ASAP1: variants seen among roughly 807,000 people sequenced by gnomAD.
ASAP1 encodes arf-GAP with SH3 domain, ANK repeat and PH domain-containing protein 1.
In ASAP1, 43 loss-of-function variants were observed where a neutral mutation model predicts 145.2. The ratio of observed to expected loss-of-function variants is 0.30; its 90% CI spans 0.23 to 0.38. The LOEUF is 0.38. ASAP1 is among the 10% of genes least tolerant of loss of function. The probability of loss-of-function intolerance (pLI) is 1.00; values close to 1 mark genes in which losing one functional copy is unlikely to be tolerated. For synonymous variants in ASAP1, 546 were observed against 515.5 expected (o/e 1.06, Z -0.80); for missense variants, 1,018 against 1,355.3 (o/e 0.75, Z 3.91).
chr8:130,335,296 T>G (rs1824962460), intron 3 of ASAP1, among the ~76,000 whole-genome samples: 2 of 152,198 alleles, frequency 1.3e-5, no homozygotes, highest in South Asian at 4.1e-4. Context: ...TTAAATAGAT[T>G]GCTTCATGTA....
At chr8:130,351,182 G>A (rs559079131) in intron 3 of ASAP1, among the ~76,000 whole-genome samples, 5 of 152,242 alleles carry the variant, frequency 3.3e-5, no homozygotes, top group African/African-American at 4.8e-5. Flanking sequence ...CCTTTCTCAC[G>A]GGTCCTGCAA....
intron 2 of ASAP1, among the ~76,000 whole-genome samples, chr8:130,393,305 A>C (rs902566557): frequency 2.0e-5 from 3 of 152,240 alleles, no homozygotes; most frequent in African/African-American, 4.8e-5. Context: ...AACAGTGAGC[A>C]TGAGTCTTTA....
intron 9 of ASAP1, among the ~76,000 whole-genome samples, chr8:130,173,773 G>GAA (rs201052362): frequency 2.2e-3 from 304 of 138,110 alleles, no homozygotes; most frequent in Non-Finnish European, 3.5e-3. Context: ...GACTCAAAAA[G>GAA]AAAAAAAAAA....
chr8:130,433,009 A>G (rs1335549377), intron 1 of ASAP1, among the ~76,000 whole-genome samples: 1 of 152,204 alleles, frequency 6.6e-6, no homozygotes, highest in Non-Finnish European at 1.5e-5. Flanking sequence ...ATGCTGCTCA[A>G]CAGAGTGTAG....
At chr8:130,266,319 G>A (rs1438425498) in intron 3 of ASAP1, among the ~76,000 whole-genome samples, 1 of 152,110 alleles carries the variant, frequency 6.6e-6, no homozygotes, top group East Asian at 1.9e-4. Context: ...GCTGCAAAGT[G>A]ATTGTATACA....
intron 2 of ASAP1, among the ~76,000 whole-genome samples, chr8:130,368,778 G>A (rs76033184): frequency 1.3e-5 from 2 of 152,220 alleles, no homozygotes; most frequent in African/African-American, 2.4e-5. Context: ...AGAGATGCGG[G>A]AGAGTCGTGG....
intron 5 of ASAP1, among the ~76,000 whole-genome samples, chr8:130,190,784 G>A (rs1167197759): frequency 6.6e-6 from 1 of 152,116 alleles, no homozygotes; most frequent in Non-Finnish European, 1.5e-5. Flanking sequence ...CCAAAGTGCT[G>A]GGATTACAGA....
intron 11 of ASAP1, among the ~76,000 whole-genome samples, chr8:130,167,052 C>A (rs746708630): frequency 3.9e-5 from 6 of 152,080 alleles, no homozygotes; most frequent in Non-Finnish European, 7.4e-5. Flanking sequence ...GTCTGTAATC[C>A]CAGAATTTTG....
At chr8:130,360,105 T>C (rs529657578) in intron 2 of ASAP1, among the ~76,000 whole-genome samples, 3 of 152,314 alleles carry the variant, frequency 2.0e-5, no homozygotes, top group Middle Eastern at 6.8e-3. Context: ...GCCCTGGAGA[T>C]TGAGTAATGC....
At chr8:130,291,016 C>A (rs778175298) in intron 3 of ASAP1, among the ~76,000 whole-genome samples, 1 of 152,186 alleles carries the variant, frequency 6.6e-6, no homozygotes, top group African/African-American at 2.4e-5. Context: ...ACAGAAAAGA[C>A]GAGTTGCCAA....
intron 11 of ASAP1, among the ~76,000 whole-genome samples, chr8:130,164,905 T>C (rs1191396006): frequency 6.6e-6 from 1 of 152,246 alleles, no homozygotes; most frequent in East Asian, 1.9e-4. Context: ...AATAGTACCA[T>C]GGTCAGAACT....
intron 18 of ASAP1, among the ~76,000 whole-genome samples, chr8:130,121,843 G>A (rs56058876): frequency 8.8e-6 from 1 of 113,202 alleles, no homozygotes; most frequent in African/African-American, 3.2e-5. Flanking sequence ...AAATAACTCA[G>A]ATCACGCCAC....
At chr8:130,210,600 A>C (rs768341410) in intron 5 of ASAP1, among the ~76,000 whole-genome samples, 5 of 152,320 alleles carry the variant, frequency 3.3e-5, no homozygotes, top group Non-Finnish European at 7.3e-5. Flanking sequence ...CACACACATT[A>C]GTTTAATTAT....
intron 20 of ASAP1, 110 bp downstream of exon 20, chr8:130,118,051 A>G (rs927082767): frequency 2.9e-5 from 24 of 840,680 alleles, no homozygotes; most frequent in Non-Finnish European, 4.1e-5. Flanking sequence ...TATATCTAGC[A>G]TGACACAGAA....
At chr8:130,134,494 T>C (rs1022679114) in intron 14 of ASAP1, 150 bp from the exon 15 acceptor site, 2 of 470,178 alleles carry the variant, frequency 4.3e-6, no homozygotes, top group Non-Finnish European at 7.4e-6. Context: ...AGGTGCCTTG[T>C]GTATATTATT....
chr8:130,327,017 C>T (rs138185563), intron 3 of ASAP1, among the ~76,000 whole-genome samples: 1 of 152,276 alleles, frequency 6.6e-6, no homozygotes, highest in Non-Finnish European at 1.5e-5. Flanking sequence ...TGGATGAATG[C>T]CCCCAGGAGG....
chr8:130,171,729 G>A lies in ASAP1; in HGVS notation c.747-2662C>T, dbSNP rs537425486. The stretch of plus-strand genomic sequence containing the variant: ...CTCTAGACCTGATAGTCAAAGCAGC[G>A]GCTTCATTGAGCATGTGGGCCCAGG... On this transcript the variant is annotated intron_variant, in intron 9 of 29. Transcript: ENST00000518721. Among the ~76,000 whole-genome samples the A allele has an allele frequency of 5.3e-5, 8 of 152,298 alleles. No individual in the cohort carries two copies. In the East Asian group the frequency reaches 7.7e-4, roughly 15 times the overall value.
chr8:130,060,879 G>T lies in ASAP1; in HGVS notation c.2892C>A (p.Pro964=), dbSNP rs1459544596. Residue 964 remains proline (P), a synonymous_variant, in exon 28 of 30, where the codon CCC becomes CCA. Transcript: ENST00000518721. ...DLPPKPGELP[P]KPQLGDLPPK... Reference sequence around the variant, plus strand: ...GTGGCAGGTCCCCCAGCTGTGGTTTGGGGGGCAGTTCTCCTGGCTTAGGCG... The same window carrying T: ...GTGGCAGGTCCCCCAGCTGTGGTTTTGGGGGCAGTTCTCCTGGCTTAGGCG... The T allele has an allele frequency of 6.2e-7, 1 of 1,613,828 alleles. No homozygotes were observed.
chr8:130,382,240 T>A (rs1463487943), intron 2 of ASAP1, among the ~76,000 whole-genome samples: 1 of 142,196 alleles, frequency 7.0e-6, no homozygotes, highest in African/African-American at 2.7e-5. Flanking sequence ...GAGCCGAGAT[T>A]GCGCCACTGC....
Sources: gnomAD v4.1 joint callset for allele counts (sites outside exome capture counted in the v4.1 genomes callset) on GRCh38, gnomAD v4.1.1 for gene constraint, MANE v1.5 for transcripts, NCBI Gene and HGNC (gene_info 2026-07-23, HGNC 2026-07-21) for gene names.